Variants in TEX29 observed in about 807,000 individuals in gnomAD.
The protein encoded by TEX29 is testis-expressed protein 29.
Under a neutral mutation model 18.2 loss-of-function variants are expected in TEX29, and 26 were observed. The observed-to-expected ratio is 1.43, with a 90% CI of 1.04 to 1.98. The LOEUF is 1.98. TEX29 is among the 30% of genes most tolerant of loss of function. The pLI is 0.00. For missense variants in TEX29, 177 were observed against 194.2 expected, an observed-to-expected ratio of 0.91 and a Z score of 0.53; for synonymous variants, 83 against 78.5, an observed-to-expected ratio of 1.06 and a Z score of -0.31.
At chr13:111,327,623 C>T (rs916111695) in intron 2 of TEX29, among the ~76,000 whole-genome samples, 6 of 152,226 alleles carry the variant, frequency 3.9e-5, no homozygotes, top group Non-Finnish European at 8.8e-5. Context: ...CTGCTGAACT[C>T]CTCTGGAAAG....
At chr13:111,325,126 C>T (rs1330418255) in intron 2 of TEX29, among the ~76,000 whole-genome samples, 1 of 152,186 alleles carries the variant, frequency 6.6e-6, no homozygotes. Context: ...AGGAAGCACT[C>T]GGCTCATTTT....
intron 4 of TEX29, 41 bp downstream of exon 4, chr13:111,339,973 G>A: frequency 6.8e-7 from 1 of 1,461,870 alleles, no homozygotes; most frequent in Non-Finnish European, 9.6e-7. Flanking sequence ...GGGGAGGAGG[G>A]GACTCACCTC....
intron 3 of TEX29, among the ~76,000 whole-genome samples, chr13:111,337,889 T>C (rs1231176198): frequency 2.6e-5 from 4 of 152,130 alleles, no homozygotes; most frequent in African/African-American, 7.2e-5. Flanking sequence ...CGAGCGCCCA[T>C]TGGGTACTTC....
chr13:111,334,698 G>A (rs971736959), intron 3 of TEX29, among the ~76,000 whole-genome samples: 5 of 152,188 alleles, frequency 3.3e-5, no homozygotes, highest in Non-Finnish European at 5.9e-5. Context: ...CAACACTTTA[G>A]CCAGTAAAAC....
upstream of TEX29, among the ~76,000 whole-genome samples, chr13:111,318,960 C>T (rs2477465): frequency 0.11 from 16,572 of 152,142 alleles, 1,098 homozygotes; most frequent in African/African-American, 0.19. Context: ...TGCTGTCCTC[C>T]GAAGTCCCCT....
intron 2 of TEX29, 21 bp downstream of exon 2, chr13:111,320,969 G>C (rs1167080256): frequency 6.5e-7 from 1 of 1,541,832 alleles, no homozygotes. Flanking sequence ...AAGGCGCCAG[G>C]GGGGCGGGTG....
intron 3 of TEX29, chr13:111,339,320 TGAG>T: frequency 2.2e-6 from 1 of 454,752 alleles, no homozygotes; most frequent in Non-Finnish European, 4.4e-6. Flanking sequence ...ACCTGGGCAT[TGAG>T]GAGCCATTTC....
chr13:111,340,022 G>A (rs952818850), intron 4 of TEX29, 90 bp downstream of exon 4: 48 of 1,244,638 alleles, frequency 3.9e-5, no homozygotes, highest in Non-Finnish European at 5.5e-5. Flanking sequence ...GCTCCTTCGG[G>A]CTTGGTGCTG....
chr13:111,316,363 G>A (rs1272197374), upstream of TEX29: 3 of 444,170 alleles, frequency 6.8e-6, no homozygotes, highest in African/African-American at 2.0e-5. Flanking sequence ...ACCCTCTGCT[G>A]CCTCGTGGAG....
At chr13:111,335,365 C>G (rs953037923) in intron 3 of TEX29, among the ~76,000 whole-genome samples, 1 of 152,214 alleles carries the variant, frequency 6.6e-6, no homozygotes, top group Admixed American at 6.5e-5. Context: ...GGGTTCCAGG[C>G]CTTCCAGTGT....
intron 2 of TEX29, among the ~76,000 whole-genome samples, chr13:111,322,126 G>C (rs375915227): frequency 2.6e-5 from 4 of 152,200 alleles, no homozygotes; most frequent in Non-Finnish European, 4.4e-5. Context: ...GGAATGTGTG[G>C]CATCTGCCAG....
At chr13:111,316,368 G>C (rs1281585266), upstream of TEX29, 5 of 442,936 alleles carry the variant, frequency 1.1e-5, no homozygotes, top group African/African-American at 1.0e-4. Context: ...CTGCTGCCTC[G>C]TGGAGCCCCC....
At chr13:111,341,874 G>T (rs546627388) in intron 4 of TEX29, among the ~76,000 whole-genome samples, 1 of 152,358 alleles carries the variant, frequency 6.6e-6, no homozygotes, top group East Asian at 1.9e-4. Flanking sequence ...CCCCGGACTG[G>T]GATGATTGAC....
upstream of TEX29, among the ~76,000 whole-genome samples, chr13:111,317,032 C>A (rs944560415): frequency 6.6e-6 from 1 of 152,190 alleles, no homozygotes; most frequent in Admixed American, 6.5e-5. Context: ...CCCCCCACCA[C>A]GTCCCTCTCT....
chr13:111,336,496 A>G (rs1287580022), intron 3 of TEX29, among the ~76,000 whole-genome samples: 1 of 152,254 alleles, frequency 6.6e-6, no homozygotes, highest in Non-Finnish European at 1.5e-5. Flanking sequence ...TATTAAGAAT[A>G]TGAATTGGGA....
intron 5 of TEX29, among the ~76,000 whole-genome samples, chr13:111,343,682 C>G (rs1228167356): frequency 6.6e-6 from 1 of 152,142 alleles, no homozygotes. Context: ...TACAAACGGC[C>G]TGGCCTTACC....
chr13:111,337,396 C>T (rs1243790819), intron 3 of TEX29, among the ~76,000 whole-genome samples: 1 of 152,162 alleles, frequency 6.6e-6, no homozygotes, highest in Non-Finnish European at 1.5e-5. Context: ...GAAGATGACT[C>T]ACTTTGCTGG....
intron 3 of TEX29, among the ~76,000 whole-genome samples, chr13:111,333,744 G>T (rs2093685830): frequency 6.6e-6 from 1 of 150,944 alleles, no homozygotes; most frequent in African/African-American, 2.5e-5. Flanking sequence ...AGGCAAAGGT[G>T]AAGCAAGACA....
intron 3 of TEX29, among the ~76,000 whole-genome samples, chr13:111,328,820 A>G (rs1190248962): frequency 1.3e-5 from 2 of 152,134 alleles, no homozygotes; most frequent in Non-Finnish European, 2.9e-5. Context: ...CTCAAGCAGC[A>G]CGGGGTGAAG....
Sources: allele counts gnomAD v4.1 joint callset (sites outside exome capture counted in the v4.1 genomes callset), GRCh38; gene constraint gnomAD v4.1.1; transcripts MANE v1.5; gene names NCBI Gene and HGNC (gene_info 2026-07-23, HGNC 2026-07-21).